Variants in CDKAL1 observed in about 807,000 individuals in gnomAD.
CDKAL1 encodes threonylcarbamoyladenosine tRNA methylthiotransferase.
Under a neutral mutation model 68.2 loss-of-function variants are expected in CDKAL1, and 32 were observed. That is an observed-to-expected ratio of 0.47 (90% CI 0.35 to 0.63). The LOEUF (loss-of-function observed/expected upper bound fraction) is 0.63, where lower values mean the gene tolerates loss of function less well. Among genes scored for constraint, CDKAL1 ranks in the 30% least tolerant of loss-of-function variants. The pLI is 0.00. For missense variants in CDKAL1, 606 were observed against 696.7 expected, an observed-to-expected ratio of 0.87 and a Z score of 1.47; for synonymous variants, 234 against 244.3, an observed-to-expected ratio of 0.96 and a Z score of 0.39.
intron 11 of CDKAL1, among the ~76,000 whole-genome samples, chr6:21,035,553 A>G (rs1769529331): frequency 6.6e-6 from 1 of 152,186 alleles, no homozygotes; most frequent in Non-Finnish European, 1.5e-5. Flanking sequence ...ATCAAGAAAG[A>G]AACAGATTTC....
intron 15 of CDKAL1, among the ~76,000 whole-genome samples, chr6:21,219,558 A>T (rs1753459744): frequency 6.6e-6 from 1 of 152,230 alleles, no homozygotes; most frequent in South Asian, 2.1e-4. Context: ...GGTGATATGT[A>T]GGAAACATTT....
chr6:20,947,618 GAAAAGA>G (rs1384343210), intron 9 of CDKAL1, among the ~76,000 whole-genome samples: 3 of 151,854 alleles, frequency 2.0e-5, no homozygotes, highest in Non-Finnish European at 2.9e-5. Flanking sequence ...AAAAAAGAAA[GAAAAGA>G]AAAAGAAAAA....
intron 12 of CDKAL1, among the ~76,000 whole-genome samples, chr6:21,080,120 C>T (rs1290067640): frequency 6.6e-6 from 1 of 151,002 alleles, no homozygotes; most frequent in African/African-American, 2.4e-5. Context: ...TGAGCACTTC[C>T]CTTATATCCA....
chr6:21,080,787 G>A (rs577750640), intron 12 of CDKAL1, among the ~76,000 whole-genome samples: 16 of 152,128 alleles, frequency 1.1e-4, no homozygotes, highest in Admixed American at 2.0e-4. Context: ...GACTAACTTC[G>A]GGATGGAGCC....
Position 21,108,503 on chromosome 6 carries a change from C to A in CDKAL1, c.1299+40C>A, listed in dbSNP as rs747298765. The A allele has an allele frequency of 2.3e-6, 3 of 1,310,798 alleles. No individual in the cohort carries two copies. In the East Asian group the frequency reaches 7.0e-5, roughly 31 times the overall value. The allele number at this position is 1,310,798 out of a possible 1,614,324, so 81.2% of individuals were successfully genotyped here. ...TTAATAGCATATTAAGTATTAAAGT[C>A]TTTCCGAATGTATAGTACAATTTTC... is the stretch of plus-strand genomic sequence containing the variant. On this transcript the variant is annotated intron_variant, in intron 13 of 15. Transcript: ENST00000274695.
chr6:21,156,164 T>C (rs1776628720), intron 13 of CDKAL1, among the ~76,000 whole-genome samples: 1 of 152,158 alleles, frequency 6.6e-6, no homozygotes, highest in Admixed American at 6.5e-5. Flanking sequence ...CTCACACCTG[T>C]AATCCTAGCA....
intron 15 of CDKAL1, among the ~76,000 whole-genome samples, chr6:21,209,331 C>T (rs1199098370): frequency 2.0e-5 from 3 of 152,134 alleles, no homozygotes; most frequent in Admixed American, 6.5e-5. Flanking sequence ...AGACGTGGAC[C>T]GACTTCCCTA....
At chr6:20,554,182 T>C (rs1763946446) in intron 4 of CDKAL1, among the ~76,000 whole-genome samples, 1 of 152,204 alleles carries the variant, frequency 6.6e-6, no homozygotes, top group Non-Finnish European at 1.5e-5. Flanking sequence ...TAAAACTTAC[T>C]GAGGAGAAAT....
At chr6:20,902,729 G>A (rs1762059372) in intron 9 of CDKAL1, among the ~76,000 whole-genome samples, 3 of 152,122 alleles carry the variant, frequency 2.0e-5, no homozygotes, top group Non-Finnish European at 4.4e-5. Context: ...TGACAATATG[G>A]ATATGGCATA....
At chr6:20,718,239 T>C (rs17226774) in intron 5 of CDKAL1, among the ~76,000 whole-genome samples, 5,493 of 152,330 alleles carry the variant, frequency 0.036, 110 homozygotes, top group Middle Eastern at 0.075. Flanking sequence ...TTTCCTCATT[T>C]GTGGAGTAAT....
At chr6:21,129,034 C>T (rs191505729) in intron 13 of CDKAL1, among the ~76,000 whole-genome samples, 9 of 152,114 alleles carry the variant, frequency 5.9e-5, no homozygotes, top group African/African-American at 1.7e-4. Flanking sequence ...TTTTTTGTCT[C>T]TAAAATGGGA....
chr6:20,718,025 C>T (rs994144090), intron 5 of CDKAL1, among the ~76,000 whole-genome samples: 1 of 152,202 alleles, frequency 6.6e-6, no homozygotes, highest in African/African-American at 2.4e-5. Flanking sequence ...AGTGGCCACT[C>T]TAACACAGAT....
At chr6:21,069,446 C>G in intron 12 of CDKAL1, among the ~76,000 whole-genome samples, 1 of 151,976 alleles carries the variant, frequency 6.6e-6, no homozygotes, top group East Asian at 1.9e-4. Flanking sequence ...ATATTATAAC[C>G]TACATTGAAT....
intron 9 of CDKAL1, among the ~76,000 whole-genome samples, chr6:20,857,120 TTTTA>T (rs1335484471): frequency 2.0e-5 from 3 of 152,212 alleles, no homozygotes; most frequent in Admixed American, 1.3e-4. Context: ...CTGTATTTCT[TTTTA>T]TTTGTTGTTC....
chr6:20,966,249 A>G (rs1387307559), intron 10 of CDKAL1, among the ~76,000 whole-genome samples: 1 of 152,190 alleles, frequency 6.6e-6, no homozygotes, highest in Non-Finnish European at 1.5e-5. Context: ...TGTTCTCTAC[A>G]TCTTCCTGAC....
intron 2 of CDKAL1, among the ~76,000 whole-genome samples, chr6:20,545,792 A>C (rs190068517): frequency 6.6e-6 from 1 of 152,346 alleles, no homozygotes; most frequent in East Asian, 1.9e-4. Context: ...CTTTTAAAGT[A>C]AATTATAGAC....
chr6:20,912,711 A>G (rs572490113), intron 9 of CDKAL1, among the ~76,000 whole-genome samples: 2 of 152,290 alleles, frequency 1.3e-5, no homozygotes, highest in African/African-American at 2.4e-5. Flanking sequence ...TTAGCTATCT[A>G]TTGCTATATA....
chr6:21,069,426 GTC>G (rs1230907482), intron 12 of CDKAL1, among the ~76,000 whole-genome samples: 2 of 151,968 alleles, frequency 1.3e-5, no homozygotes, highest in Non-Finnish European at 2.9e-5. Flanking sequence ...TTTGTTCTAA[GTC>G]TCTGTTAATA....
intron 9 of CDKAL1, among the ~76,000 whole-genome samples, chr6:20,902,655 G>T (rs1250340355): frequency 6.6e-6 from 1 of 152,128 alleles, no homozygotes; most frequent in Non-Finnish European, 1.5e-5. Flanking sequence ...TCTACATATA[G>T]ATTATATATA....
Sources: gnomAD v4.1 joint callset for allele counts (sites outside exome capture counted in the v4.1 genomes callset) on GRCh38, gnomAD v4.1.1 for gene constraint, MANE v1.5 for transcripts, NCBI Gene and HGNC (gene_info 2026-07-23, HGNC 2026-07-21) for gene names.